The following FTO variants were observed in gnomAD, a reference collection of about 807,000 sequenced individuals.
FTO encodes the protein FTO alpha-ketoglutarate dependent dioxygenase, also known as alpha-ketoglutarate-dependent dioxygenase FTO.
FTO carries 47 observed loss-of-function variants against 63.9 expected under a neutral mutation model. That is an observed-to-expected ratio of 0.74 (90% confidence interval 0.58 to 0.94). The LOEUF is 0.94. Among genes scored for constraint, FTO ranks in the 40% least tolerant of loss-of-function variants. FTO has a pLI of 0.00. For synonymous variants in FTO, 207 were observed against 224.4 expected (o/e 0.92, Z 0.69); for missense variants, 562 against 618.1 (o/e 0.91, Z 0.96).
At chr16:53,786,891 C>T (rs1443576219) in intron 1 of FTO, among the ~76,000 whole-genome samples, 2 of 151,794 alleles carry the variant, frequency 1.3e-5, no homozygotes, top group African/African-American at 2.4e-5. Flanking sequence ...GCGGGCAGAT[C>T]ATGAGGTCAA....
intron 5 of FTO, among the ~76,000 whole-genome samples, chr16:53,875,029 A>G (rs1256793075): frequency 2.0e-5 from 3 of 151,590 alleles, no homozygotes; most frequent in African/African-American, 7.3e-5. Context: ...GTTCTGTTAG[A>G]AAAGAGGGAA....
chr16:53,846,964 A>T (rs1264886795), intron 4 of FTO, among the ~76,000 whole-genome samples: 1 of 152,212 alleles, frequency 6.6e-6, no homozygotes, highest in East Asian at 1.9e-4. Flanking sequence ...AAGAAAGAAT[A>T]TAAAAATCAG....
intron 8 of FTO, among the ~76,000 whole-genome samples, chr16:54,088,943 C>T (rs983013343): frequency 1.2e-4 from 19 of 152,134 alleles, no homozygotes; most frequent in Non-Finnish European, 2.1e-4. Context: ...TACATGGCCT[C>T]GATAACCATC....
intron 6 of FTO, among the ~76,000 whole-genome samples, chr16:53,883,931 C>T (rs962180963): frequency 3.9e-5 from 6 of 152,176 alleles, no homozygotes; most frequent in Non-Finnish European, 7.3e-5. Flanking sequence ...GTTGCATGCT[C>T]GCTCTCTACT....
At chr16:53,850,164 G>A (rs137886592) in intron 4 of FTO, among the ~76,000 whole-genome samples, 11 of 152,296 alleles carry the variant, frequency 7.2e-5, no homozygotes, top group Admixed American at 7.2e-4. Context: ...GTAAGCTGGA[G>A]GAATTGCTAT....
At chr16:53,867,490 CATATGTGT>C (rs1215541854) in intron 4 of FTO, among the ~76,000 whole-genome samples, 2 of 136,542 alleles carry the variant, frequency 1.5e-5, no homozygotes, top group African/African-American at 5.9e-5. Context: ...ATGTACGCCA[CATATGTGT>C]GTGTGTGTGT....
Position 53,793,971 on chromosome 16 carries a change from A to G in FTO, c.46-16169A>G, listed in dbSNP as rs56031633. On this transcript the variant is annotated intron_variant, in intron 1 of 8. Transcript: ENST00000471389. ...CTACTGCAAAGTCACAAACATATTA[A>G]AAGTTACTCATCCTAACTAACAATC... 2.5e-3 allele frequency among the ~76,000 whole-genome samples: 377 copies of G among 152,360 alleles called. 3 individuals are homozygous for G. Among genetic ancestry groups the G allele is most frequent in the African/African-American group, 8.7e-3 (361 of 41,582 alleles).
At chr16:53,720,082 G>C (rs1454980016) in intron 1 of FTO, among the ~76,000 whole-genome samples, 1 of 152,044 alleles carries the variant, frequency 6.6e-6, no homozygotes, top group Non-Finnish European at 1.5e-5. Flanking sequence ...GTTAGTGGAA[G>C]TTTAGCTCTC....
intron 3 of FTO, among the ~76,000 whole-genome samples, chr16:53,829,018 G>A (rs1370978136): frequency 6.6e-6 from 1 of 152,144 alleles, no homozygotes; most frequent in East Asian, 1.9e-4. Flanking sequence ...AGCTTCCCGA[G>A]TAGCTGGGAT....
chr16:53,881,968 G>A (rs928242361), intron 6 of FTO, among the ~76,000 whole-genome samples: 4 of 152,114 alleles, frequency 2.6e-5, no homozygotes, highest in African/African-American at 4.8e-5. Context: ...TGTTAAGAAG[G>A]GAGATTAGTG....
At chr16:53,760,255 TG>T (rs111999162) in intron 1 of FTO, among the ~76,000 whole-genome samples, 2 of 18,360 alleles carry the variant, frequency 1.1e-4, no homozygotes, top group Non-Finnish European at 1.1e-4. Flanking sequence ...TGTGTGTGTG[TG>T]TGTGTTTTTT....
At chr16:54,101,788 A>G (rs1278889931) in intron 8 of FTO, among the ~76,000 whole-genome samples, 2 of 152,210 alleles carry the variant, frequency 1.3e-5, no homozygotes, top group Non-Finnish European at 1.5e-5. Context: ...CCAACAGTGT[A>G]TAAGTGTTCC....
intron 3 of FTO, among the ~76,000 whole-genome samples, chr16:53,842,569 G>A (rs1367368782): frequency 6.6e-6 from 1 of 152,000 alleles, no homozygotes; most frequent in East Asian, 1.9e-4. Context: ...TTGTATTCCA[G>A]TCTTGTGTAT....
At chr16:53,857,195 G>A (rs973293576) in intron 4 of FTO, among the ~76,000 whole-genome samples, 8 of 152,200 alleles carry the variant, frequency 5.3e-5, no homozygotes, top group East Asian at 3.9e-4. Flanking sequence ...GGTAATAAGC[G>A]TAGTACCTGA....
chr16:54,112,517 A>C lies in FTO; in HGVS notation c.*602A>C, dbSNP rs1381535942. ...TATGGAACATTTTCATCATCGAAGA[A>C]AGTCCTATTGGACAACACTTCTATA... On this transcript the variant is annotated 3_prime_UTR_variant, in exon 9 of 9. Coordinates refer to ENST00000471389, the MANE Select transcript of FTO (RefSeq NM_001080432.3). 6.5e-6 allele frequency: 1 copy of C among 152,828 alleles called. No individual in the cohort carries two copies. Among genetic ancestry groups the C allele is most frequent in the African/African-American group, 2.4e-5 (1 of 41,468 alleles). The allele number at this position is 152,828 out of a possible 1,614,324, so 9.5% of individuals were successfully genotyped here. A position where few individuals can be genotyped will look rare whatever the true frequency, so the allele number is the denominator to read the frequency against.
At chr16:53,911,431 G>A in intron 7 of FTO, 1 of 703,194 alleles carries the variant, frequency 1.4e-6, no homozygotes, top group Non-Finnish European at 2.6e-6. Context: ...CTGCAGGGAA[G>A]TTAAGAAGTG....
intron 6 of FTO, among the ~76,000 whole-genome samples, chr16:53,881,693 T>C (rs965097051): frequency 2.6e-5 from 4 of 152,242 alleles, no homozygotes; most frequent in African/African-American, 9.6e-5. Context: ...TTCCCACTAA[T>C]ACCCTCTCAA....
chr16:53,792,426 G>A (rs546306885), intron 1 of FTO, among the ~76,000 whole-genome samples: 2 of 152,318 alleles, frequency 1.3e-5, no homozygotes, highest in South Asian at 4.1e-4. Context: ...GCCAGACAGC[G>A]ACAGTAGAGG....
chr16:53,952,076 C>T (rs2082815008), intron 8 of FTO, among the ~76,000 whole-genome samples: 3 of 152,256 alleles, frequency 2.0e-5, no homozygotes, highest in South Asian at 2.1e-4. Context: ...TACTATTCTA[C>T]GTGTTTTGCC....
Sources: gnomAD v4.1 joint callset for allele counts (sites outside exome capture counted in the v4.1 genomes callset) on GRCh38, gnomAD v4.1.1 for gene constraint, MANE v1.5 for transcripts, NCBI Gene and HGNC (gene_info 2026-07-23, HGNC 2026-07-21) for gene names.